The following PRTFDC1 variants were observed in gnomAD, a reference collection of about 807,000 sequenced individuals.
The protein encoded by PRTFDC1 is phosphoribosyltransferase domain-containing protein 1.
PRTFDC1 carries 38 observed loss-of-function variants against 34.6 expected under a neutral mutation model. The observed-to-expected ratio is 1.10, with a 90% CI of 0.85 to 1.44. The LOEUF (loss-of-function observed/expected upper bound fraction) is 1.44, where lower values mean the gene tolerates loss of function less well. Ranked by LOEUF, PRTFDC1 falls within the 40% of genes most tolerant of loss-of-function variation. The pLI, the probability that PRTFDC1 is intolerant of heterozygous loss-of-function variation, is 0.00. For missense variants in PRTFDC1, 270 were observed against 283.0 expected (o/e 0.95, Z 0.33); for synonymous variants, 93 against 98.1 (o/e 0.95, Z 0.31).
chr10:24,949,932 C>T (rs1419647981), intron 1 of PRTFDC1, among the ~76,000 whole-genome samples: 2 of 151,938 alleles, frequency 1.3e-5, no homozygotes, highest in Non-Finnish European at 1.5e-5. Flanking sequence ...CAAGGTTTTA[C>T]GATGTTGGTC....
At chr10:24,896,655 C>T (rs1055315981) in intron 3 of PRTFDC1, among the ~76,000 whole-genome samples, 7 of 152,168 alleles carry the variant, frequency 4.6e-5, no homozygotes, top group African/African-American at 1.2e-4. Context: ...GTATGTCACT[C>T]GGTCTGTTGT....
At chr10:24,890,899 C>T (rs60455981) in intron 3 of PRTFDC1, among the ~76,000 whole-genome samples, 4,894 of 152,286 alleles carry the variant, frequency 0.032, 89 homozygotes, top group African/African-American at 0.056. Context: ...GAAGAGGCTT[C>T]TCAGGGAGAA....
At chr10:24,925,430 C>T (rs893806492) in intron 3 of PRTFDC1, among the ~76,000 whole-genome samples, 11 of 151,976 alleles carry the variant, frequency 7.2e-5, no homozygotes, top group African/African-American at 2.4e-4. Flanking sequence ...ATGTAACAAA[C>T]CTGCACATTG....
chr10:24,882,546 A>G (rs1042510697), intron 3 of PRTFDC1, among the ~76,000 whole-genome samples: 3 of 152,186 alleles, frequency 2.0e-5, no homozygotes, highest in Non-Finnish European at 4.4e-5. Context: ...TTTAGCCACA[A>G]AATGTTGGCA....
intron 3 of PRTFDC1, among the ~76,000 whole-genome samples, chr10:24,893,815 A>T (rs1848303278): frequency 6.6e-6 from 1 of 152,192 alleles, no homozygotes. Context: ...GGCCTGCCCC[A>T]CAGCAGAGCC....
chr10:24,871,631 G>T (rs1847868836), intron 4 of PRTFDC1, among the ~76,000 whole-genome samples: 1 of 150,666 alleles, frequency 6.6e-6, no homozygotes, highest in Non-Finnish European at 1.5e-5. Context: ...ACGTGCCTGG[G>T]TGCAGAGGAT....
intron 3 of PRTFDC1, among the ~76,000 whole-genome samples, chr10:24,900,651 T>G (rs1026667698): frequency 6.6e-6 from 1 of 152,200 alleles, no homozygotes; most frequent in African/African-American, 2.4e-5. Context: ...AGTGATTCAC[T>G]GAATGAAAAA....
At chr10:24,940,574 G>A (rs1336755249) in intron 2 of PRTFDC1, among the ~76,000 whole-genome samples, 1 of 152,210 alleles carries the variant, frequency 6.6e-6, no homozygotes, top group Non-Finnish European at 1.5e-5. Context: ...CAAGTATGTG[G>A]AAAAACTGAA....
chr10:24,920,577 T>C lies in PRTFDC1; in HGVS notation c.339+16607A>G, dbSNP rs192084624. On this transcript the variant is annotated intron_variant, in intron 3 of 8. Coordinates refer to ENST00000320152, the MANE Select transcript of PRTFDC1 (RefSeq NM_020200.7). ...AGCATCAGGATAAATAGCTAACACA[T>C]GTGGGGCTTAATACCTAGGTGATGG... 2.4e-3 allele frequency among the ~76,000 whole-genome samples: 255 copies of C among 105,606 alleles called. 8 individuals are homozygous for C. The highest frequency in any genetic ancestry group is 0.015 in the Admixed American group (179 of 11,726). 69.3% of individuals were successfully genotyped at this position (105,606 alleles called of 152,430 possible).
intron 1 of PRTFDC1, among the ~76,000 whole-genome samples, chr10:24,948,854 A>T (rs1334515053): frequency 1.3e-5 from 2 of 152,188 alleles, no homozygotes; most frequent in Non-Finnish European, 2.9e-5. Context: ...ACATTCACAT[A>T]GCCAGACCAG....
chr10:24,944,694 G>T (rs1050971686), intron 1 of PRTFDC1, among the ~76,000 whole-genome samples: 4 of 152,182 alleles, frequency 2.6e-5, no homozygotes, highest in Non-Finnish European at 5.9e-5. Context: ...AAGGTAGGAG[G>T]ATCACTTGAG....
Position 24,952,404 on chromosome 10 carries a change from G to T in PRTFDC1, c.48+124C>A. 3 of 1,149,420 alleles carry T rather than the reference G, an allele frequency of 2.6e-6. No homozygotes were observed. The highest frequency in any genetic ancestry group is 1.4e-5 in the South Asian group (1 of 72,680). 71.2% of individuals were successfully genotyped at this position (1,149,420 alleles called of 1,614,324 possible). A position where few individuals can be genotyped will look rare whatever the true frequency, so the allele number is the denominator to read the frequency against. On this transcript the variant is annotated intron_variant, in intron 1 of 8. Coordinates refer to ENST00000320152, the MANE Select transcript of PRTFDC1 (RefSeq NM_020200.7). The surrounding 1 kb of genome is among the most constrained non-coding windows in gnomAD (Gnocchi z 5.1). The stretch of plus-strand genomic sequence containing the variant: ...TCCGAGGATGGAAGCGATCCCCGCC[G>T]GGAGGGAGAACAAAGCGGTGGCCCT...
chr10:24,948,833 C>A (rs950567744), intron 1 of PRTFDC1, among the ~76,000 whole-genome samples: 11 of 152,200 alleles, frequency 7.2e-5, no homozygotes, highest in African/African-American at 2.7e-4. Flanking sequence ...CTTTATTCCC[C>A]ATTTAGCAAT....
At chr10:24,910,305 T>C (rs931485824) in intron 3 of PRTFDC1, among the ~76,000 whole-genome samples, 32 of 152,172 alleles carry the variant, frequency 2.1e-4, no homozygotes, top group African/African-American at 7.7e-4. Flanking sequence ...GGAAAGAACA[T>C]TGCATTGAAA....
chr10:24,866,757 C>T (rs1030604170), intron 4 of PRTFDC1, among the ~76,000 whole-genome samples: 4 of 151,332 alleles, frequency 2.6e-5, no homozygotes, highest in Non-Finnish European at 4.4e-5. Flanking sequence ...GACAGCTTCC[C>T]TTGTGAGCTT....
At chr10:24,941,634 A>G (rs958779592) in intron 2 of PRTFDC1, among the ~76,000 whole-genome samples, 2 of 152,182 alleles carry the variant, frequency 1.3e-5, no homozygotes, top group Non-Finnish European at 2.9e-5. Context: ...ATTCTCTTGT[A>G]CAAAGAAAAG....
intron 3 of PRTFDC1, among the ~76,000 whole-genome samples, chr10:24,878,675 GA>G: frequency 6.6e-6 from 1 of 152,248 alleles, no homozygotes; most frequent in Non-Finnish European, 1.5e-5. Flanking sequence ...CAGGGGAGAC[GA>G]TTCCTCACCA....
intron 3 of PRTFDC1, among the ~76,000 whole-genome samples, chr10:24,877,095 C>CT (rs2132519313): frequency 6.6e-6 from 1 of 152,268 alleles, no homozygotes; most frequent in African/African-American, 2.4e-5. Context: ...CACGACCCCC[C>CT]TACTTCTCAG....
chr10:24,862,973 G>A (rs989752132), intron 4 of PRTFDC1, among the ~76,000 whole-genome samples: 1 of 152,068 alleles, frequency 6.6e-6, no homozygotes, highest in Admixed American at 6.6e-5. Flanking sequence ...TGCCTCCTGG[G>A]TTCAAGCAAT....
Sources: allele counts gnomAD v4.1 joint callset (sites outside exome capture counted in the v4.1 genomes callset), GRCh38; gene constraint gnomAD v4.1.1; non-coding constraint Gnocchi (gnomAD v3.1); transcripts MANE v1.5; gene names NCBI Gene and HGNC (gene_info 2026-07-23, HGNC 2026-07-21).